Variants in NXPH1 observed in about 807,000 individuals in gnomAD.
The protein encoded by NXPH1 is neurexophilin-1.
In NXPH1, 5 loss-of-function variants were observed where a neutral mutation model predicts 23.7. The observed-to-expected ratio is 0.21, with a 90% confidence interval of 0.11 to 0.44. The LOEUF is 0.44. NXPH1 is among the 20% of genes least tolerant of loss of function. The pLI is 0.99. For missense variants in NXPH1, 324 were observed against 321.6 expected, an observed-to-expected ratio of 1.01 and a Z score of -0.06; for synonymous variants, 144 against 122.2, an observed-to-expected ratio of 1.18 and a Z score of -1.18.
intron 2 of NXPH1, among the ~76,000 whole-genome samples, chr7:8,440,657 G>T (rs1244962559): frequency 2.0e-5 from 3 of 151,858 alleles, no homozygotes; most frequent in Non-Finnish European, 4.4e-5. Flanking sequence ...AATAACCGTC[G>T]TCGACAATAT....
chr7:8,752,333 A>C lies in NXPH1; in HGVS notation c.*564A>C, dbSNP rs981023157. On this transcript the variant is annotated 3_prime_UTR_variant, in exon 3 of 3. Coordinates refer to ENST00000405863, the MANE Select transcript of NXPH1 (RefSeq NM_152745.3). Reference sequence around the variant, plus strand: ...TAGAGCTCAGTATTCTTTATTTTACAAACACAACAAAATGTAGTAACTTTT... The same window carrying C: ...TAGAGCTCAGTATTCTTTATTTTACCAACACAACAAAATGTAGTAACTTTT... 6.5e-6 allele frequency: 1 copy of C among 153,174 alleles called. No individual in the cohort carries two copies. The highest frequency in any genetic ancestry group is 1.5e-5 in the Non-Finnish European group (1 of 68,492). 9.5% of individuals were successfully genotyped at this position (153,174 alleles called of 1,614,324 possible).
intron 2 of NXPH1, among the ~76,000 whole-genome samples, chr7:8,488,963 C>T (rs1229308167): frequency 6.6e-6 from 1 of 152,158 alleles, no homozygotes; most frequent in Non-Finnish European, 1.5e-5. Context: ...AGTAAGTTCT[C>T]TTAATGTCCC....
At chr7:8,653,603 G>C (rs1287326276) in intron 2 of NXPH1, among the ~76,000 whole-genome samples, 1 of 152,240 alleles carries the variant, frequency 6.6e-6, no homozygotes, top group East Asian at 1.9e-4. Context: ...GTAATGGCAG[G>C]ATTTTCAAAG....
At chr7:8,739,884 G>C (rs1054945715) in intron 2 of NXPH1, among the ~76,000 whole-genome samples, 21 of 152,126 alleles carry the variant, frequency 1.4e-4, no homozygotes, top group African/African-American at 4.8e-4. Context: ...CACAGGGTCA[G>C]CATCATCAAG....
At chr7:8,720,898 G>A (rs960847921) in intron 2 of NXPH1, among the ~76,000 whole-genome samples, 2 of 152,114 alleles carry the variant, frequency 1.3e-5, no homozygotes, top group Non-Finnish European at 2.9e-5. Context: ...ACATTTTACC[G>A]ATTAATAGCC....
At chr7:8,551,938 T>G (rs999989285) in intron 2 of NXPH1, among the ~76,000 whole-genome samples, 1 of 151,392 alleles carries the variant, frequency 6.6e-6, no homozygotes, top group Non-Finnish European at 1.5e-5. Context: ...GATGTGCATA[T>G]TTTTTGAACG....
rs1005399630 is a variant in NXPH1, at chr7:8,731,049, G to GT, written c.55-19953dup. 6.7e-4 allele frequency among the ~76,000 whole-genome samples: 90 copies of GT among 135,080 alleles called. 2 individuals are homozygous for GT. The Middle Eastern group carries it at 0.021, about 31-fold the overall frequency. 88.6% of individuals were successfully genotyped at this position (135,080 alleles called of 152,430 possible). On this transcript the variant is annotated intron_variant, in intron 2 of 2. Transcript: ENST00000405863. The stretch of plus-strand genomic sequence containing the variant: ...GAGGCTTTGCTCTTTTCTTTTTATT[G>GT]TTTTTTCTCTAAACTTCCCTTCTCG...
intron 2 of NXPH1, among the ~76,000 whole-genome samples, chr7:8,552,806 A>G (rs930937379): frequency 1.3e-5 from 2 of 151,524 alleles, no homozygotes; most frequent in African/African-American, 4.8e-5. Context: ...ATCTGCTTGT[A>G]TTTGCTCTTT....
chr7:8,617,196 G>A (rs1417519584), intron 2 of NXPH1, among the ~76,000 whole-genome samples: 1 of 152,094 alleles, frequency 6.6e-6, no homozygotes, highest in African/African-American at 2.4e-5. Context: ...AATGTCAATG[G>A]TGTTGAGATT....
rs117637571 is a variant in NXPH1 at position 8,713,340 on chromosome 7, G to A, written c.55-37668G>A. ...TGCTAAATTTATCTGATAGGATTCC[G>A]AATTCCTTCTCTGTGTTATCTTGAA... On this transcript the variant is annotated intron_variant, in intron 2 of 2. Transcript: ENST00000405863. 4.6e-4 allele frequency among the ~76,000 whole-genome samples: 70 copies of A among 152,128 alleles called. No homozygotes were observed. In the East Asian group the frequency reaches 9.7e-3, roughly 21 times the overall value.
At chr7:8,717,558 T>C (rs1055525564) in intron 2 of NXPH1, among the ~76,000 whole-genome samples, 1 of 152,194 alleles carries the variant, frequency 6.6e-6, no homozygotes, top group Non-Finnish European at 1.5e-5. Context: ...GACTACCCTC[T>C]AAGTCCCTTT....
chr7:8,503,558 G>T (rs1377372139), intron 2 of NXPH1, among the ~76,000 whole-genome samples: 1 of 151,752 alleles, frequency 6.6e-6, no homozygotes, highest in Non-Finnish European at 1.5e-5. Context: ...TATTTCTTCT[G>T]CTTGTTTTTG....
chr7:8,669,285 G>A (rs536073321), intron 2 of NXPH1, among the ~76,000 whole-genome samples: 1 of 152,250 alleles, frequency 6.6e-6, no homozygotes, highest in East Asian at 1.9e-4. Flanking sequence ...CTGAAGCCTG[G>A]GGCTGTGTGG....
At chr7:8,606,001 C>T (rs1819479166) in intron 2 of NXPH1, among the ~76,000 whole-genome samples, 1 of 151,994 alleles carries the variant, frequency 6.6e-6, no homozygotes, top group East Asian at 1.9e-4. Context: ...TTAATTAGTT[C>T]ACATATGAAT....
intron 2 of NXPH1, among the ~76,000 whole-genome samples, chr7:8,459,634 T>C (rs1816658234): frequency 6.6e-6 from 1 of 152,150 alleles, no homozygotes; most frequent in Admixed American, 6.5e-5. Flanking sequence ...TTGATTCCAG[T>C]CTACTAAACT....
intron 2 of NXPH1, among the ~76,000 whole-genome samples, chr7:8,523,825 C>T (rs1817815825): frequency 6.6e-6 from 1 of 152,174 alleles, no homozygotes; most frequent in Admixed American, 6.5e-5. Context: ...CATTCTATAT[C>T]ATGGGTCTGG....
Position 8,745,032 on chromosome 7 carries a change from A to G in NXPH1, c.55-5976A>G, listed in dbSNP as rs530244433. ...CTACTTAAAAAGAAAACAAAATGAAATGTAGTGACTCCCTATTTCCTGTAA... is the reference window on the plus strand; with the variant it reads ...CTACTTAAAAAGAAAACAAAATGAAGTGTAGTGACTCCCTATTTCCTGTAA... On this transcript the variant is annotated intron_variant, in intron 2 of 2. Coordinates refer to ENST00000405863, the MANE Select transcript of NXPH1 (RefSeq NM_152745.3). Among the ~76,000 whole-genome samples, 10 of 152,334 alleles carry G rather than the reference A, an allele frequency of 6.6e-5. No individual in the cohort carries two copies. The South Asian group carries it at 1.9e-3, about 28-fold the overall frequency.
intron 2 of NXPH1, among the ~76,000 whole-genome samples, chr7:8,455,692 G>A (rs1357933305): frequency 2.0e-5 from 3 of 152,210 alleles, no homozygotes; most frequent in Admixed American, 2.0e-4. Flanking sequence ...GTGAAGACAA[G>A]TTGGGAGGAA....
intron 2 of NXPH1, among the ~76,000 whole-genome samples, chr7:8,609,232 T>G (rs1433923762): frequency 6.6e-6 from 1 of 152,176 alleles, no homozygotes; most frequent in East Asian, 1.9e-4. Context: ...GCTTAGAAGC[T>G]CAATACATGT....
Sources: allele counts gnomAD v4.1 joint callset (sites outside exome capture counted in the v4.1 genomes callset), GRCh38; gene constraint gnomAD v4.1.1; transcripts MANE v1.5; gene names NCBI Gene and HGNC (gene_info 2026-07-23, HGNC 2026-07-21).